DBF4: variants seen among roughly 807,000 people sequenced by gnomAD.
DBF4 encodes the protein DBF4-CDC7 kinase regulatory subunit, also known as protein DBF4 homolog A.
A neutral mutation model predicts 76.6 loss-of-function variants in DBF4; 25 were observed. That is an observed-to-expected ratio of 0.33 (90% CI 0.24 to 0.46). DBF4 has a LOEUF of 0.46. Among genes scored for constraint, DBF4 ranks in the 20% least tolerant of loss-of-function variants. The pLI, the probability that DBF4 is intolerant of heterozygous loss-of-function variation, is 1.00. For synonymous variants in DBF4, 213 were observed against 258.0 expected, an observed-to-expected ratio of 0.83 and a Z score of 1.67; for missense variants, 638 against 760.8, an observed-to-expected ratio of 0.84 and a Z score of 1.90.
At position 87,876,640 on chromosome 7, in the gene DBF4, C is replaced by A. The variant is rs1839046124; in HGVS notation, c.-93C>A. 2.1e-6 allele frequency: 3 copies of A among 1,404,368 alleles called. No homozygotes were observed. The highest frequency in any genetic ancestry group is 2.4e-5 in the South Asian group (2 of 84,408). 87.0% of individuals were successfully genotyped at this position (1,404,368 alleles called of 1,614,324 possible). ...TAGCTGGCGGAAGGAGAGAGGCGGC[C>A]GTCCTGTCAACAGGCCGGGGGAAGC... On this transcript the variant is annotated 5_prime_UTR_variant, in exon 1 of 12. Coordinates refer to ENST00000265728, the MANE Select transcript of DBF4 (RefSeq NM_006716.4).
chr7:87,889,476 C>T (rs1013040443), intron 6 of DBF4, among the ~76,000 whole-genome samples: 12 of 151,752 alleles, frequency 7.9e-5, no homozygotes, highest in African/African-American at 1.5e-4. Context: ...GACGGGGTTT[C>T]GCCATGTTGC....
intron 2 of DBF4, among the ~76,000 whole-genome samples, chr7:87,880,653 C>G (rs1364262929): frequency 6.6e-6 from 1 of 151,890 alleles, no homozygotes; most frequent in Non-Finnish European, 1.5e-5. Flanking sequence ...TTTAATTCAC[C>G]ATTTCACGTA....
At chr7:87,888,288 T>C (rs1277937286) in intron 6 of DBF4, 1 of 985,008 alleles carries the variant, frequency 1.0e-6, no homozygotes, top group Non-Finnish European at 1.2e-6. Flanking sequence ...CCCCTTTTGT[T>C]ACTGCTGTTT....
intron 10 of DBF4, among the ~76,000 whole-genome samples, chr7:87,901,186 G>T (rs55663104): frequency 0.21 from 32,226 of 151,834 alleles, 3,894 homozygotes; most frequent in African/African-American, 0.3. Context: ...TAAAAATATA[G>T]AGAGAGAATA....
chr7:87,898,807 AAG>A (rs1273271878), intron 8 of DBF4, among the ~76,000 whole-genome samples: 3 of 151,702 alleles, frequency 2.0e-5, no homozygotes, highest in African/African-American at 7.3e-5. Context: ...AAAAAAAAAA[AAG>A]AACAACAAAG....
At chr7:87,880,760 G>T (rs142064874) in intron 2 of DBF4, among the ~76,000 whole-genome samples, 1 of 152,154 alleles carries the variant, frequency 6.6e-6, no homozygotes, top group African/African-American at 2.4e-5. Context: ...ACAGCACCCA[G>T]ATTCTGATAT....
chr7:87,878,293 T>C lies in DBF4; in HGVS notation c.219+68T>C. ...ACTAGTACTTTCTACTGTGTAATCATTTAAATTTTTCATTTTGGAAAACGC... is the reference window on the plus strand; with the variant it reads ...ACTAGTACTTTCTACTGTGTAATCACTTAAATTTTTCATTTTGGAAAACGC... On this transcript the variant is annotated intron_variant, in intron 2 of 11. Coordinates refer to ENST00000265728, the MANE Select transcript of DBF4 (RefSeq NM_006716.4). 6 of 1,276,822 alleles carry C rather than the reference T, an allele frequency of 4.7e-6. No homozygotes were observed. The South Asian group carries it at 9.6e-5, about 20-fold the overall frequency. The allele number at this position is 1,276,822 out of a possible 1,614,324, so 79.1% of individuals were successfully genotyped here. A position where few individuals can be genotyped will look rare whatever the true frequency, so the allele number is the denominator to read the frequency against.
chr7:87,907,540 A>C lies in DBF4; in HGVS notation c.1402A>C (p.Thr468Pro). ...QECILDISEH[T>P]LSENDLEELR... Reference sequence around the variant, plus strand: ...ATGCATTCTTGACATTTCCGAACACACATTAAGTGAAAATGACTTAGAAGA... The same window carrying C: ...ATGCATTCTTGACATTTCCGAACACCCATTAAGTGAAAATGACTTAGAAGA... Residue 468 changes from threonine (T) to proline (P), a missense_variant, in exon 12 of 12, where the codon ACA (threonine) becomes CCA (proline). Thr to Pro is a conservative substitution (Grantham distance 38, BLOSUM62 -1). Coordinates refer to ENST00000265728, the MANE Select transcript of DBF4 (RefSeq NM_006716.4). 6.2e-7 allele frequency: 1 copy of C among 1,614,114 alleles called. No individual in the cohort carries two copies. Among genetic ancestry groups the C allele is most frequent in the South Asian group, 1.1e-5 (1 of 91,084 alleles).
chr7:87,882,885 A>C (rs1471992250), intron 2 of DBF4, among the ~76,000 whole-genome samples: 1 of 152,196 alleles, frequency 6.6e-6, no homozygotes, highest in Non-Finnish European at 1.5e-5. Flanking sequence ...ACCATACAAA[A>C]TAGTATGGGT....
chr7:87,886,848 G>C lies in DBF4; in HGVS notation c.404G>C (p.Cys135Ser), dbSNP rs1387185587. The change falls in exon 4 of 12, where the codon TGT becomes TCT. Residue 135 changes from cysteine to serine, a missense_variant. Physicochemically the swap from Cys to Ser is moderately radical, Grantham distance 112. Transcript: ENST00000265728. The stretch of plus-strand genomic sequence containing the variant: ...ATTTTTCTGGTCTTTTTATAGGTGT[G>C]TTTAAGCAGAGGAAAATTATTAGTT... ...GSSFKSPDTV[C>S]LSRGKLLVEK... 2 of 1,564,898 alleles carry C rather than the reference G, an allele frequency of 1.3e-6. No individual in the cohort carries two copies. Among genetic ancestry groups the C allele is most frequent in the Non-Finnish European group, 1.8e-6 (2 of 1,141,846 alleles).
chr7:87,886,986 AT>A, intron 4 of DBF4, 92 bp downstream of exon 4: 3 of 907,310 alleles, frequency 3.3e-6, no homozygotes, highest in African/African-American at 1.7e-5. Context: ...TCCTTTCCAC[AT>A]TTTTAGGCAA....
chr7:87,886,405 C>T (rs1283190320), intron 3 of DBF4, among the ~76,000 whole-genome samples: 1 of 151,548 alleles, frequency 6.6e-6, no homozygotes, highest in African/African-American at 2.4e-5. Context: ...CATGATGGTG[C>T]GTGCCTGTAG....
chr7:87,908,331 A>C lies in DBF4; in HGVS notation c.*168A>C, dbSNP rs935450319. On this transcript the variant is annotated 3_prime_UTR_variant, in exon 12 of 12. Transcript: ENST00000265728. ...TTTCTACAGAATTGAATACCTGTTA[A>C]AGAAAAATTACAGAATAAACTTGTG... The C allele has an allele frequency of 2.3e-5, 14 of 596,476 alleles. No individual in the cohort carries two copies. The Admixed American group carries it at 5.5e-4, about 24-fold the overall frequency. 36.9% of individuals were successfully genotyped at this position (596,476 alleles called of 1,614,324 possible).
chr7:87,884,852 A>T, intron 2 of DBF4, 127 bp from the exon 3 acceptor site: 1 of 626,094 alleles, frequency 1.6e-6, no homozygotes, highest in Non-Finnish European at 2.6e-6. Flanking sequence ...CGGGAGGATC[A>T]CTTGAGAACA....
Position 87,878,133 on chromosome 7 carries a change from T to C in DBF4, c.127T>C (p.Cys43Arg). 6.2e-7 allele frequency: 1 copy of C among 1,612,852 alleles called. No individual in the cohort carries two copies. The highest frequency in any genetic ancestry group is 8.5e-7 in the Non-Finnish European group (1 of 1,179,590). Residue 43 changes from cysteine (C) to arginine (R), a missense_variant, in exon 2 of 12, where the codon TGT (cysteine) becomes CGT (arginine). Cys to Arg is a radical substitution (Grantham distance 180). Coordinates refer to ENST00000265728, the MANE Select transcript of DBF4 (RefSeq NM_006716.4). ...KTDNRPEKSKCKPLWGKVFYL... is the reference protein window; with the variant it reads ...KTDNRPEKSKRKPLWGKVFYL... ...TGATAACAGGCCAGAAAAATCCAAA[T>C]GTAAGCCACTTTGGGGAAAAGTATT...
intron 10 of DBF4, among the ~76,000 whole-genome samples, chr7:87,903,039 G>A (rs765190658): frequency 9.0e-4 from 137 of 152,062 alleles, no homozygotes; most frequent in Middle Eastern, 3.2e-3. Context: ...ATCTCACTTT[G>A]TTGTGAACTT....
chr7:87,881,003 C>G (rs748942628), intron 2 of DBF4, among the ~76,000 whole-genome samples: 12 of 152,190 alleles, frequency 7.9e-5, no homozygotes, highest in Admixed American at 3.3e-4. Context: ...TGAGTTTACT[C>G]TTTAAATGGC....
intron 10 of DBF4, among the ~76,000 whole-genome samples, chr7:87,902,851 A>G (rs1408042873): frequency 1.3e-5 from 2 of 152,232 alleles, no homozygotes; most frequent in Non-Finnish European, 2.9e-5. Flanking sequence ...TAGAAATGTA[A>G]TAAAATCATC....
intron 2 of DBF4, among the ~76,000 whole-genome samples, chr7:87,882,328 C>G (rs1377486852): frequency 6.6e-6 from 1 of 152,002 alleles, no homozygotes; most frequent in Non-Finnish European, 1.5e-5. Context: ...TAAATGAGCT[C>G]AAAATGGATC....
Sources: gnomAD v4.1 joint callset for allele counts (sites outside exome capture counted in the v4.1 genomes callset) on GRCh38, gnomAD v4.1.1 for gene constraint, MANE v1.5 for transcripts, NCBI Gene and HGNC (gene_info 2026-07-23, HGNC 2026-07-21) for gene names.